The following MID2 variants were observed in gnomAD, a reference collection of about 807,000 sequenced individuals.
MID2 encodes probable E3 ubiquitin-protein ligase MID2.
Under a neutral mutation model 46.1 loss-of-function variants are expected in MID2, and 13 were observed. That is an observed-to-expected ratio of 0.28 (90% CI 0.18 to 0.45). The LOEUF (loss-of-function observed/expected upper bound fraction) is 0.45. Among genes scored for constraint, MID2 ranks in the 20% least tolerant of loss-of-function variants. The probability of loss-of-function intolerance (pLI) is 1.00; values close to 1 mark genes in which losing one functional copy is unlikely to be tolerated. For synonymous variants in MID2, 199 were observed against 212.3 expected, an observed-to-expected ratio of 0.94 and a Z score of 0.55; for missense variants, 431 against 575.4, an observed-to-expected ratio of 0.75 and a Z score of 2.57.
At chrX:107,904,205 C>A in intron 4 of MID2, 140 bp downstream of exon 4, 1 of 492,745 alleles carries the variant, frequency 2.0e-6, no homozygotes, top group Non-Finnish European at 3.5e-6. Context: ...GATGTTTGGC[C>A]TACTGCTCTG....
At chrX:107,894,828 A>AGTGTGTGTGTGTGTGT (rs1160011458) in intron 3 of MID2, 1 of 81,024 alleles carries the variant, frequency 1.2e-5, no homozygotes, top group African/African-American at 4.5e-5. Context: ...GAGTGGGGTG[A>AGTGTGTGTGTGTGTGT]GTGTGTGTGT....
chrX:107,847,701 T>C (rs1376545289), intron 2 of MID2, among the ~76,000 whole-genome samples: 2 of 111,491 alleles, frequency 1.8e-5, no homozygotes, highest in African/African-American at 6.5e-5. Flanking sequence ...TGAACATCTA[T>C]TAGGTGGCAA....
At chrX:107,834,145 C>T (rs755531291) in intron 1 of MID2, among the ~76,000 whole-genome samples, 39 of 111,574 alleles carry the variant, frequency 3.5e-4, no homozygotes, top group Non-Finnish European at 6.6e-4. Context: ...GTATTTCTAC[C>T]CAGTTATACA....
intron 5 of MID2, among the ~76,000 whole-genome samples, chrX:107,912,757 G>C (rs750855414): frequency 9.0e-6 from 1 of 110,845 alleles, no homozygotes; most frequent in Non-Finnish European, 1.9e-5. Flanking sequence ...CTTTGCATAG[G>C]CTCAGGTATA....
chrX:107,901,908 G>A (rs1447551079), intron 3 of MID2, among the ~76,000 whole-genome samples: 2 of 111,994 alleles, frequency 1.8e-5, no homozygotes, highest in Admixed American at 1.9e-4. Flanking sequence ...ACAACAAGGA[G>A]TCTGAAGTGA....
intron 9 of MID2, 23 bp from the exon 10 acceptor site, chrX:107,926,644 TTCTC>T: frequency 8.5e-7 from 1 of 1,175,466 alleles, no homozygotes; most frequent in Non-Finnish European, 1.2e-6. Flanking sequence ...AAATGTTTAT[TTCTC>T]TCTCCTTTCC....
At position 107,838,600 on chromosome X, in the gene MID2, GTAGT is replaced by G. The variant is rs999337361; in HGVS notation, c.5-2064_5-2061del. Among the ~76,000 whole-genome samples, 11 of 112,237 alleles carry G rather than the reference GTAGT, an allele frequency of 9.8e-5. No individual in the cohort carries two copies. The East Asian group carries it at 1.4e-3, about 14-fold the overall frequency. On this transcript the variant is annotated intron_variant, in intron 1 of 9. Coordinates refer to ENST00000262843, the MANE Select transcript of MID2 (RefSeq NM_012216.4). ...TTTCATATAGATTTTCATTAAATAGGTAGTTAGTTCAGTGCATTTAAAAGGTTTG... is the reference window on the plus strand; with the variant it reads ...TTTCATATAGATTTTCATTAAATAGGTAGTTCAGTGCATTTAAAAGGTTTG...
Position 107,846,071 on chromosome X carries a change from G to C in MID2, c.720+4686G>C, listed in dbSNP as rs138954278. On this transcript the variant is annotated intron_variant, in intron 2 of 9. Transcript: ENST00000262843. ...TCATTGTATGTGAAGATGTGAGAGT[G>C]TGTAAATCTTCTGATAATTTGGGTA... Among the ~76,000 whole-genome samples, 529 of 111,278 alleles carry C rather than the reference G, an allele frequency of 4.8e-3. 2 individuals are homozygous for C. The highest frequency in any genetic ancestry group is 6.9e-3 in the Non-Finnish European group (363 of 52,980).
intron 4 of MID2, 131 bp from the exon 5 acceptor site, chrX:107,905,347 G>A (rs773600933): frequency 9.4e-6 from 5 of 531,584 alleles, no homozygotes; most frequent in Non-Finnish European, 1.5e-5. Context: ...GGTTAGTACA[G>A]GGACCATGGA....
chrX:107,831,128 T>G (rs996479106), intron 1 of MID2, among the ~76,000 whole-genome samples: 2 of 111,489 alleles, frequency 1.8e-5, no homozygotes, highest in African/African-American at 6.5e-5. Context: ...CCTTGTGGGA[T>G]TCACCTGAAT....
intron 8 of MID2, 36 bp downstream of exon 8, chrX:107,924,540 T>A (rs1195950087): frequency 8.4e-7 from 1 of 1,191,615 alleles, no homozygotes; most frequent in Non-Finnish European, 1.1e-6. Context: ...AAGATCAATT[T>A]TCTTCTCCAT....
chrX:107,887,518 C>T (rs1367708602), intron 3 of MID2, among the ~76,000 whole-genome samples: 3 of 111,589 alleles, frequency 2.7e-5, no homozygotes, highest in East Asian at 2.8e-4. Context: ...CTGCTGGATT[C>T]GGTTTGCCAG....
At chrX:107,902,687 A>G (rs945514889) in intron 3 of MID2, among the ~76,000 whole-genome samples, 5 of 111,649 alleles carry the variant, frequency 4.5e-5, no homozygotes, top group Admixed American at 9.5e-5. Context: ...GGGTCCAGTG[A>G]CAGGTATTTT....
intron 7 of MID2, among the ~76,000 whole-genome samples, chrX:107,922,511 T>C (rs1933091115): frequency 8.9e-6 from 1 of 111,800 alleles, no homozygotes; most frequent in Non-Finnish European, 1.9e-5. Context: ...GAGGATGCTA[T>C]ACAAAAAGGT....
At chrX:107,914,112 CA>C (rs1157724533) in intron 5 of MID2, among the ~76,000 whole-genome samples, 1 of 112,265 alleles carries the variant, frequency 8.9e-6, no homozygotes, top group Admixed American at 9.5e-5. Context: ...CCCTTTGTAG[CA>C]GCACTTCTAT....
chrX:107,826,064 CTTT>C lies in MID2; in HGVS notation c.-357_-355del. 2 of 295,118 alleles carry C rather than the reference CTTT, an allele frequency of 6.8e-6. No homozygotes were observed. The highest frequency in any genetic ancestry group is 6.1e-5 in the Admixed American group (1 of 16,402). 24.3% of individuals were successfully genotyped at this position (295,118 alleles called of 1,213,427 possible). A position where few individuals can be genotyped will look rare whatever the true frequency, so the allele number is the denominator to read the frequency against. On this transcript the variant is annotated 5_prime_UTR_variant, in exon 1 of 10. Coordinates refer to ENST00000262843, the MANE Select transcript of MID2 (RefSeq NM_012216.4). The stretch of plus-strand genomic sequence containing the variant: ...CCGCCTCCCTTTTGGAAGGGATTGC[CTTT>C]TTTTTCCTCTGCGGCGGCGGAAATG...
At chrX:107,872,168 C>T (rs887884576) in intron 3 of MID2, among the ~76,000 whole-genome samples, 1 of 111,650 alleles carries the variant, frequency 9.0e-6, no homozygotes, top group African/African-American at 3.3e-5. Flanking sequence ...CAAGGTCTAC[C>T]TAAGGGTCCC....
rs1209855794 is a variant in MID2 at position 107,839,154 on chromosome X, A to G, written c.5-1516A>G. Reference sequence around the variant, plus strand: ...GAAAGATGCCCTTTTTCTTTCCTATACATAGGATTAACATTTTCAGTCAGT... The same window carrying G: ...GAAAGATGCCCTTTTTCTTTCCTATGCATAGGATTAACATTTTCAGTCAGT... On this transcript the variant is annotated intron_variant, in intron 1 of 9. Coordinates refer to ENST00000262843, the MANE Select transcript of MID2 (RefSeq NM_012216.4). Among the ~76,000 whole-genome samples, 10 of 110,637 alleles carry G rather than the reference A, an allele frequency of 9.0e-5. No individual in the cohort carries two copies. The Admixed American group carries it at 9.6e-4, about 11-fold the overall frequency.
Position 107,916,035 on chromosome X carries a change from G to A in MID2, c.1107G>A (p.Leu369=), listed in dbSNP as rs772676460. 1 of 1,204,714 alleles carries A rather than the reference G, an allele frequency of 8.3e-7. No individual in the cohort carries two copies. The highest frequency in any genetic ancestry group is 1.1e-6 in the Non-Finnish European group (1 of 892,275). Residue 369 remains leucine (L), a synonymous_variant, in exon 6 of 10, where the codon CTG becomes CTA. Transcript: ENST00000262843. ...VAMATASSQV[L]IPDINFNDAF... ...TGGCAACTGCATCTTCTCAAGTTCTGATTCCAGACATCAATTTTAATGATG... is the reference window on the plus strand; with the variant it reads ...TGGCAACTGCATCTTCTCAAGTTCTAATTCCAGACATCAATTTTAATGATG...
Sources: gnomAD v4.1 joint callset for allele counts (sites outside exome capture counted in the v4.1 genomes callset) on GRCh38, gnomAD v4.1.1 for gene constraint, MANE v1.5 for transcripts, NCBI Gene and HGNC (gene_info 2026-07-23, HGNC 2026-07-21) for gene names.